The following KIRREL1 variants were observed in gnomAD, a reference collection of about 807,000 sequenced individuals.
The protein encoded by KIRREL1 is kirre like nephrin family adhesion molecule 1, also known as kin of IRRE-like protein 1.
Under a neutral mutation model 83.3 loss-of-function variants are expected in KIRREL1, and 25 were observed. The ratio of observed to expected loss-of-function variants is 0.30; its 90% CI spans 0.22 to 0.42. KIRREL1 has a LOEUF of 0.42. Ranked by LOEUF, KIRREL1 falls within the 10% of genes least tolerant of loss-of-function variation. The pLI is 1.00. For synonymous variants in KIRREL1, 388 were observed against 410.4 expected, an observed-to-expected ratio of 0.95 and a Z score of 0.66; for missense variants, 812 against 1,032.3, an observed-to-expected ratio of 0.79 and a Z score of 2.92.
At chr1:158,047,088 G>T (rs1195519392) in intron 1 of KIRREL1, among the ~76,000 whole-genome samples, 1 of 152,192 alleles carries the variant, frequency 6.6e-6, no homozygotes, top group Non-Finnish European at 1.5e-5. Flanking sequence ...ATATGGAAGA[G>T]AATTAGATTC....
intron 1 of KIRREL1, among the ~76,000 whole-genome samples, chr1:158,029,337 C>CTGTGTGTGTGTGTGTGTGTGTGTG (rs60980289): frequency 1.2e-4 from 8 of 69,262 alleles, no homozygotes; most frequent in Non-Finnish European, 1.7e-4. Flanking sequence ...TAACAAAAAC[C>CTGTGTGTGTGTGTGTGTGTGTGTG]TGTGTGTGTG....
rs563684235 is a variant in KIRREL1 at position 158,091,488 on chromosome 1, C to T, written c.1403C>T (p.Thr468Ile). ...INNVMEADFQ[T>I]HYNCTAWNSF... ...AATGTCATGGAGGCCGACTTTCAGA[C>T]TCACTACAACTGCACCGCCTGGAAC... is the stretch of plus-strand genomic sequence containing the variant. The change falls in exon 11 of 15, where the codon ACT (threonine) becomes ATT (isoleucine). Residue 468 changes from threonine to isoleucine, a missense_variant. Thr to Ile is a moderately conservative substitution (Grantham distance 89). Coordinates refer to ENST00000359209, the MANE Select transcript of KIRREL1 (RefSeq NM_018240.7). The T allele has an allele frequency of 6.2e-6, 10 of 1,614,148 alleles. No individual in the cohort carries two copies. Among genetic ancestry groups the T allele is most frequent in the Non-Finnish European group, 6.8e-6 (8 of 1,180,058 alleles).
intron 1 of KIRREL1, among the ~76,000 whole-genome samples, chr1:158,065,318 G>A (rs940477349): frequency 6.6e-6 from 1 of 152,222 alleles, no homozygotes; most frequent in African/African-American, 2.4e-5. Context: ...TAGAAGCTCT[G>A]TTGGTAACAG....
chr1:158,044,035 G>A (rs116553675), intron 1 of KIRREL1, among the ~76,000 whole-genome samples: 110 of 152,318 alleles, frequency 7.2e-4, no homozygotes, highest in African/African-American at 2.5e-3. Context: ...AACAAGCTCG[G>A]TGTTTTGGAC....
rs1418809545 is a variant in KIRREL1 at position 158,097,055 on chromosome 1, G to A, written c.*1935G>A. Reference sequence around the variant, plus strand: ...CTAATTTTAACTTCACAGGAAGTCTGTGCATCCTCCTTCATTTCAGCAGGG... The same window carrying A: ...CTAATTTTAACTTCACAGGAAGTCTATGCATCCTCCTTCATTTCAGCAGGG... On this transcript the variant is annotated 3_prime_UTR_variant, in exon 15 of 15. Transcript: ENST00000359209. 1 of 456,812 alleles carries A rather than the reference G, an allele frequency of 2.2e-6. No individual in the cohort carries two copies. Among genetic ancestry groups the A allele is most frequent in the South Asian group, 1.5e-5 (1 of 64,558 alleles). 28.3% of individuals were successfully genotyped at this position (456,812 alleles called of 1,614,324 possible).
chr1:158,092,717 A>G (rs1421848914), intron 11 of KIRREL1, among the ~76,000 whole-genome samples: 1 of 152,128 alleles, frequency 6.6e-6, no homozygotes, highest in Non-Finnish European at 1.5e-5. Context: ...TAGATACAGT[A>G]ACGTGGGGCT....
intron 1 of KIRREL1, among the ~76,000 whole-genome samples, chr1:158,001,961 C>T (rs192428573): frequency 3.9e-4 from 60 of 152,218 alleles, no homozygotes; most frequent in Admixed American, 2.7e-3. Flanking sequence ...ACCAAAGCCT[C>T]CCCTCCTCTT....
chr1:158,020,910 G>A (rs1925037), intron 1 of KIRREL1, among the ~76,000 whole-genome samples: 143,324 of 152,310 alleles, frequency 0.94, 67,637 homozygotes, highest in East Asian at 1. Flanking sequence ...AGACATAAAC[G>A]TTTTCATCAT....
In KIRREL1 at chr1:158,077,991, C is replaced by T. The variant is rs1661732983; in HGVS notation, c.203C>T (p.Ala68Val). ...LALGMGQGLK[A>V]WPRYRVVGSA... ...GGCCTCATTCTTTCTGTTTCTGCAG[C>T]CTGGCCACGGTACCGGGTTGTGGGC... The change falls in exon 3 of 15, where the codon GCC (alanine) becomes GTC (valine). Residue 68 changes from alanine (A) to valine (V), a missense_variant and splice_region_variant. By Grantham distance (64) the Ala-to-Val change is moderately conservative (BLOSUM62 0). Around this residue, in one of 3 missense-constraint regions of KIRREL1, gnomAD observed 472 missense variants for 626.8 expected, o/e 0.75. Transcript: ENST00000359209. 1 of 1,613,922 alleles carries T rather than the reference C, an allele frequency of 6.2e-7. No homozygotes were observed. The highest frequency in any genetic ancestry group is 1.1e-5 in the South Asian group (1 of 91,076).
intron 1 of KIRREL1, 72 bp downstream of exon 1, chr1:157,993,800 G>A: frequency 1.0e-6 from 1 of 986,176 alleles, no homozygotes; most frequent in Non-Finnish European, 1.4e-6. Context: ...CCCGGTGGGA[G>A]AGTGCTGGAG....
Position 158,078,139 on chromosome 1 carries a change from C to T in KIRREL1, c.351C>T (p.Leu117=). Reference sequence around the variant, plus strand: ...CTCGGCGGGCCAAACTCACCGTGCTCAGTAAGGACCCCAATACCCTTCAGT... The same window carrying T: ...CTCGGCGGGCCAAACTCACCGTGCTTAGTAAGGACCCCAATACCCTTCAGT... ...LRSRRAKLTV[L]IPPEDTRIDG... Residue 117 remains leucine, a splice_region_variant and synonymous_variant, in exon 3 of 15, where the codon CTC becomes CTT. Coordinates refer to ENST00000359209, the MANE Select transcript of KIRREL1 (RefSeq NM_018240.7). 6.2e-7 allele frequency: 1 copy of T among 1,613,934 alleles called. No individual in the cohort carries two copies. Among genetic ancestry groups the T allele is most frequent in the Non-Finnish European group, 8.5e-7 (1 of 1,179,984 alleles).
intron 3 of KIRREL1, among the ~76,000 whole-genome samples, chr1:158,078,982 CT>C (rs1661767952): frequency 6.6e-6 from 1 of 152,256 alleles, no homozygotes; most frequent in South Asian, 2.1e-4. Context: ...AGCCCCCAGC[CT>C]CTCTCCAAGC....
intron 3 of KIRREL1, among the ~76,000 whole-genome samples, 154 bp from the exon 4 acceptor site, chr1:158,084,268 A>G (rs1166861177): frequency 2.6e-5 from 4 of 152,212 alleles, no homozygotes; most frequent in African/African-American, 4.8e-5. Flanking sequence ...CACAAGAGCA[A>G]TGAAGACAGT....
chr1:158,049,791 A>G (rs1660865679), intron 1 of KIRREL1, among the ~76,000 whole-genome samples: 1 of 152,118 alleles, frequency 6.6e-6, no homozygotes, highest in East Asian at 1.9e-4. Context: ...GGTGCCTGCT[A>G]TGAGGTAGGA....
At chr1:158,051,003 G>A (rs983277469) in intron 1 of KIRREL1, among the ~76,000 whole-genome samples, 1 of 152,168 alleles carries the variant, frequency 6.6e-6, no homozygotes, top group Non-Finnish European at 1.5e-5. Flanking sequence ...TCTACCTTCG[G>A]TTTCTCCTGC....
At chr1:158,076,032 TC>T (rs1222275757) in intron 1 of KIRREL1, 80 bp from the exon 2 acceptor site, 5 of 1,363,610 alleles carry the variant, frequency 3.7e-6, no homozygotes, top group African/African-American at 2.9e-5. Flanking sequence ...TCTCCCTCCT[TC>T]CAGCTGCATG....
chr1:157,997,440 CTT>C (rs1659237362), intron 1 of KIRREL1, among the ~76,000 whole-genome samples: 1 of 150,716 alleles, frequency 6.6e-6, no homozygotes, highest in African/African-American at 2.4e-5. Context: ...TCTGCGCTTC[CTT>C]TTCTTCTCCC....
At position 158,065,237 on chromosome 1, in the gene KIRREL1, T is replaced by C. The variant is rs553399095; in HGVS notation, c.53-10876T>C. Among the ~76,000 whole-genome samples, 9 of 152,278 alleles carry C rather than the reference T, an allele frequency of 5.9e-5. No individual in the cohort carries two copies. The South Asian group carries it at 1.9e-3, about 32-fold the overall frequency. On this transcript the variant is annotated intron_variant, in intron 1 of 14. Coordinates refer to ENST00000359209, the MANE Select transcript of KIRREL1 (RefSeq NM_018240.7). ...CTCTAGAGAGGGTCTGGGACAAGCCTGCATTTCTTCCTGGGCTTCCAGCCT... is the reference window on the plus strand; with the variant it reads ...CTCTAGAGAGGGTCTGGGACAAGCCCGCATTTCTTCCTGGGCTTCCAGCCT...
At chr1:157,995,502 C>T (rs890326758) in intron 1 of KIRREL1, among the ~76,000 whole-genome samples, 1 of 151,564 alleles carries the variant, frequency 6.6e-6, no homozygotes. Context: ...GGAGGGGGGT[C>T]ATGTTGGTGG....
Sources: allele counts gnomAD v4.1 joint callset (sites outside exome capture counted in the v4.1 genomes callset), GRCh38; gene constraint gnomAD v4.1.1; regional missense constraint gnomAD v4.1.1; transcripts MANE v1.5; gene names NCBI Gene and HGNC (gene_info 2026-07-23, HGNC 2026-07-21).